Variants in FSTL5 observed in about 807,000 individuals in gnomAD.
The protein encoded by FSTL5 is follistatin like 5.
Under a neutral mutation model 89.1 loss-of-function variants are expected in FSTL5, and 62 were observed. The ratio of observed to expected loss-of-function variants is 0.70; its 90% confidence interval spans 0.57 to 0.86. The LOEUF (loss-of-function observed/expected upper bound fraction) is 0.86. Ranked by LOEUF, FSTL5 falls within the 40% of genes least tolerant of loss-of-function variation. The probability of loss-of-function intolerance (pLI) is 0.00; values close to 1 mark genes in which losing one functional copy is unlikely to be tolerated. For synonymous variants in FSTL5, 383 were observed against 346.2 expected (o/e 1.11, Z -1.18); for missense variants, 1,057 against 1,001.6 (o/e 1.06, Z -0.75).
chr4:161,815,540 A>G (rs1371210677), intron 4 of FSTL5, among the ~76,000 whole-genome samples: 1 of 152,124 alleles, frequency 6.6e-6, no homozygotes, highest in Non-Finnish European at 1.5e-5. Flanking sequence ...TTCTCACTTT[A>G]AAAATGTCAT....
At chr4:161,858,964 G>A (rs535563801) in intron 4 of FSTL5, among the ~76,000 whole-genome samples, 1 of 152,294 alleles carries the variant, frequency 6.6e-6, no homozygotes, top group African/African-American at 2.4e-5. Flanking sequence ...CAGTGGCTTT[G>A]CAATTTATGG....
intron 3 of FSTL5, among the ~76,000 whole-genome samples, chr4:161,921,191 TAAG>T (rs998782222): frequency 3.3e-5 from 5 of 152,174 alleles, no homozygotes; most frequent in Non-Finnish European, 5.9e-5. Flanking sequence ...CAGAAAATGT[TAAG>T]AAGACAGGAG....
chr4:161,444,163 A>C (rs906601178), intron 15 of FSTL5, among the ~76,000 whole-genome samples: 1 of 151,794 alleles, frequency 6.6e-6, no homozygotes. Context: ...TAAATATGGA[A>C]AACAGGAAAG....
chr4:161,465,437 C>T (rs1733718162), intron 13 of FSTL5, among the ~76,000 whole-genome samples: 1 of 152,202 alleles, frequency 6.6e-6, no homozygotes, highest in Admixed American at 6.5e-5. Flanking sequence ...ATATAATGCT[C>T]ATTTATTGCT....
At chr4:161,657,482 C>T (rs1291673312) in intron 6 of FSTL5, among the ~76,000 whole-genome samples, 4 of 152,120 alleles carry the variant, frequency 2.6e-5, no homozygotes, top group Non-Finnish European at 4.4e-5. Context: ...CCTCTGTCCC[C>T]TTGTTAAGGT....
At position 161,736,729 on chromosome 4, in the gene FSTL5, T is replaced by C. The variant is rs113960830; in HGVS notation, c.727+22682A>G. Among the ~76,000 whole-genome samples the C allele has an allele frequency of 3.9e-3, 599 of 152,198 alleles. 5 individuals are homozygous for C. Among genetic ancestry groups the C allele is most frequent in the African/African-American group, 0.014 (571 of 41,546 alleles). Reference sequence around the variant, plus strand: ...TGAAGAAGGATAATAAGAAAATCTGTCCTGCAGATTAGAGGCAGTTAAAAA... The same window carrying C: ...TGAAGAAGGATAATAAGAAAATCTGCCCTGCAGATTAGAGGCAGTTAAAAA... On this transcript the variant is annotated intron_variant, in intron 6 of 15. Coordinates refer to ENST00000306100, the MANE Select transcript of FSTL5 (RefSeq NM_020116.5).
chr4:161,602,476 T>C (rs902762214), intron 7 of FSTL5, among the ~76,000 whole-genome samples: 1 of 151,966 alleles, frequency 6.6e-6, no homozygotes, highest in African/African-American at 2.4e-5. Context: ...CTAAAATACG[T>C]ACCATGGGAA....
rs183676003 is a variant in FSTL5, at chr4:162,041,411, T to C, written c.127-7753A>G. Among the ~76,000 whole-genome samples, 29 of 152,130 alleles carry C rather than the reference T, an allele frequency of 1.9e-4. No homozygotes were observed. The East Asian group carries it at 5.2e-3, about 27-fold the overall frequency. ...TGGGCAAGTAGTATGTTTCAATGAT[T>C]CATGGAGAAATGAAAGTAATTTTCT... On this transcript the variant is annotated intron_variant, in intron 2 of 15. Transcript: ENST00000306100.
chr4:161,644,274 C>G (rs769023183), intron 7 of FSTL5, among the ~76,000 whole-genome samples: 7 of 152,170 alleles, frequency 4.6e-5, no homozygotes, highest in Non-Finnish European at 1.0e-4. Flanking sequence ...AGCCTGTAAT[C>G]CCAGCACTTT....
chr4:161,928,815 T>G (rs1734199923), intron 3 of FSTL5, among the ~76,000 whole-genome samples: 1 of 151,816 alleles, frequency 6.6e-6, no homozygotes, highest in Non-Finnish European at 1.5e-5. Context: ...GGATGTGTCT[T>G]TGCAAATATT....
chr4:162,018,645 T>A (rs982745277), intron 3 of FSTL5, among the ~76,000 whole-genome samples: 1 of 11,946 alleles, frequency 8.4e-5, no homozygotes, highest in South Asian at 6.3e-3. Context: ...GCTTTACATT[T>A]CTTTAATTAA....
chr4:162,160,693 C>T (rs572138371), intron 1 of FSTL5, among the ~76,000 whole-genome samples: 1 of 151,386 alleles, frequency 6.6e-6, no homozygotes, highest in Admixed American at 6.6e-5. Context: ...GAAAACTATC[C>T]AAATTATTAG....
chr4:161,467,035 T>C (rs1733770732), intron 13 of FSTL5, among the ~76,000 whole-genome samples: 1 of 152,072 alleles, frequency 6.6e-6, no homozygotes, highest in Admixed American at 6.6e-5. Flanking sequence ...AGTTCATGGA[T>C]GAGGACAGCA....
At chr4:161,790,724 G>C (rs1264397988) in intron 4 of FSTL5, among the ~76,000 whole-genome samples, 1 of 152,152 alleles carries the variant, frequency 6.6e-6, no homozygotes, top group East Asian at 1.9e-4. Context: ...AAAATTGCTA[G>C]ACAAGTAAAC....
intron 7 of FSTL5, among the ~76,000 whole-genome samples, chr4:161,604,273 T>C (rs1374517290): frequency 1.3e-5 from 2 of 152,152 alleles, no homozygotes; most frequent in East Asian, 1.9e-4. Flanking sequence ...AGCACTGTTA[T>C]CATGGATTAT....
intron 2 of FSTL5, among the ~76,000 whole-genome samples, chr4:162,056,636 ATTGT>A (rs779778683): frequency 4.6e-5 from 7 of 152,172 alleles, no homozygotes; most frequent in Admixed American, 1.3e-4. Context: ...ATCACTATTT[ATTGT>A]TTATCAGCAT....
chr4:161,992,711 G>T (rs1404685221), intron 3 of FSTL5, among the ~76,000 whole-genome samples: 1 of 150,810 alleles, frequency 6.6e-6, no homozygotes, highest in Non-Finnish European at 1.5e-5. Context: ...GGGAGTGGTG[G>T]TGCGCGCCTG....
At chr4:161,747,363 A>AT (rs141644177) in intron 6 of FSTL5, among the ~76,000 whole-genome samples, 6,924 of 152,116 alleles carry the variant, frequency 0.046, 200 homozygotes, top group African/African-American at 0.081. Flanking sequence ...TACTTTGTGT[A>AT]TTTTTTATTT....
intron 6 of FSTL5, among the ~76,000 whole-genome samples, chr4:161,731,915 G>A (rs1455619104): frequency 6.6e-6 from 1 of 151,920 alleles, no homozygotes; most frequent in African/African-American, 2.4e-5. Context: ...GAACATTTGA[G>A]CTATTTCCAG....
Sources: gnomAD v4.1 joint callset for allele counts (sites outside exome capture counted in the v4.1 genomes callset) on GRCh38, gnomAD v4.1.1 for gene constraint, MANE v1.5 for transcripts, NCBI Gene and HGNC (gene_info 2026-07-23, HGNC 2026-07-21) for gene names.